The following FRMD6 variants were observed in gnomAD, a reference collection of about 807,000 sequenced individuals.
The protein encoded by FRMD6 is FERM domain containing 6.
FRMD6 carries 37 observed loss-of-function variants against 73.2 expected under a neutral mutation model. The ratio of observed to expected loss-of-function variants is 0.51; its 90% CI spans 0.39 to 0.66. The LOEUF is 0.66. FRMD6 is among the 30% of genes least tolerant of loss of function. FRMD6 has a pLI of 0.00. For synonymous variants in FRMD6, 273 were observed against 282.2 expected, an observed-to-expected ratio of 0.97 and a Z score of 0.33; for missense variants, 714 against 780.5, an observed-to-expected ratio of 0.91 and a Z score of 1.02.
chr14:51,644,494 G>A (rs1891974922), intron 2 of FRMD6, among the ~76,000 whole-genome samples: 1 of 152,112 alleles, frequency 6.6e-6, no homozygotes, highest in Non-Finnish European at 1.5e-5. Flanking sequence ...GATGAATGGG[G>A]CCATAGCAGT....
chr14:51,465,010 A>G, the FRMD6 span, among the ~76,000 whole-genome samples: 2 of 152,210 alleles, frequency 1.3e-5, no homozygotes, highest in Admixed American at 1.3e-4. Context: ...CCACATATAC[A>G]GGCTTCCAAT....
chr14:51,431,019 T>C, the FRMD6 span, among the ~76,000 whole-genome samples: 1 of 152,236 alleles, frequency 6.6e-6, no homozygotes, highest in African/African-American at 2.4e-5. Context: ...TGTGTGTTTA[T>C]GAGGATATGT....
intron 2 of FRMD6, among the ~76,000 whole-genome samples, chr14:51,626,535 G>A (rs1426738568): frequency 6.6e-6 from 1 of 152,104 alleles, no homozygotes; most frequent in Non-Finnish European, 1.5e-5. Context: ...CACGTTATCA[G>A]GGTTAAAAAT....
chr14:51,726,334 A>G (rs944671990), intron 13 of FRMD6, among the ~76,000 whole-genome samples: 3 of 152,228 alleles, frequency 2.0e-5, no homozygotes, highest in Non-Finnish European at 2.9e-5. Flanking sequence ...ATGTCCAGCA[A>G]TATAGATAAA....
intron 2 of FRMD6, among the ~76,000 whole-genome samples, chr14:51,612,461 C>A (rs1890549543): frequency 6.6e-6 from 1 of 152,164 alleles, no homozygotes; most frequent in South Asian, 2.1e-4. Flanking sequence ...TATAAGAAGA[C>A]CTGAATTCTA....
chr14:51,670,878 C>T (rs1290973666), intron 1 of FRMD6, among the ~76,000 whole-genome samples: 1 of 152,192 alleles, frequency 6.6e-6, no homozygotes, highest in Non-Finnish European at 1.5e-5. Flanking sequence ...AATTCCTGAC[C>T]TCAGGTGATC....
intron 12 of FRMD6, 83 bp from the exon 13 acceptor site, chr14:51,725,696 T>G (rs1298685806): frequency 9.5e-7 from 1 of 1,056,120 alleles, no homozygotes; most frequent in East Asian, 2.4e-5. Flanking sequence ...TTTTCATTCC[T>G]GATAGCAATA....
intron 1 of FRMD6, among the ~76,000 whole-genome samples, chr14:51,492,215 TCTC>T (rs776223571): frequency 4.6e-5 from 7 of 152,196 alleles, no homozygotes; most frequent in Non-Finnish European, 7.3e-5. Context: ...AACCAAGAGT[TCTC>T]CTCTTGGGAT....
chr14:51,547,164 A>G (rs1886519208), intron 1 of FRMD6, among the ~76,000 whole-genome samples: 3 of 152,152 alleles, frequency 2.0e-5, no homozygotes, highest in Non-Finnish European at 4.4e-5. Context: ...TTGTTTTAGA[A>G]TTTCATTTCA....
At chr14:51,655,556 C>T (rs1233553109) in intron 1 of FRMD6, among the ~76,000 whole-genome samples, 1 of 151,050 alleles carries the variant, frequency 6.6e-6, no homozygotes, top group Non-Finnish European at 1.5e-5. Flanking sequence ...GCTTTGGGGG[C>T]CTTTAAAAGT....
chr14:51,716,207 T>C (rs1247611274), intron 10 of FRMD6, among the ~76,000 whole-genome samples: 2 of 152,136 alleles, frequency 1.3e-5, no homozygotes, highest in African/African-American at 4.8e-5. Context: ...CTGATAGCCC[T>C]TTATCTTGAG....
intron 1 of FRMD6, among the ~76,000 whole-genome samples, chr14:51,532,337 A>G (rs965192022): frequency 6.7e-6 from 1 of 149,518 alleles, no homozygotes; most frequent in Non-Finnish European, 1.5e-5. Flanking sequence ...CCACTGCACT[A>G]TAGCCTGGGT....
At chr14:51,403,640 A>T in the FRMD6 span, among the ~76,000 whole-genome samples, 1 of 152,020 alleles carries the variant, frequency 6.6e-6, no homozygotes, top group East Asian at 1.9e-4. Context: ...GGGCTCATGC[A>T]GTCTGCTCAT....
At chr14:51,513,747 C>T (rs1884457519) in intron 1 of FRMD6, among the ~76,000 whole-genome samples, 1 of 91,322 alleles carries the variant, frequency 1.1e-5, no homozygotes, top group Non-Finnish European at 2.0e-5. Flanking sequence ...TGAAGCCTCT[C>T]TGAAATTCCA....
At chr14:51,611,787 T>G (rs1890516860) in intron 2 of FRMD6, among the ~76,000 whole-genome samples, 1 of 152,220 alleles carries the variant, frequency 6.6e-6, no homozygotes, top group Non-Finnish European at 1.5e-5. Context: ...ATTTCATGCC[T>G]TTATATGTCA....
intron 10 of FRMD6, among the ~76,000 whole-genome samples, chr14:51,715,996 C>T (rs551848196): frequency 6.6e-6 from 1 of 152,222 alleles, no homozygotes; most frequent in Non-Finnish European, 1.5e-5. Context: ...GCTGGGAGGC[C>T]CCCAAGTCTG....
intron 1 of FRMD6, among the ~76,000 whole-genome samples, chr14:51,675,117 T>G (rs1894294898): frequency 6.6e-6 from 1 of 152,104 alleles, no homozygotes; most frequent in Admixed American, 6.6e-5. Context: ...GATTCCACAC[T>G]TGGTGTAACT....
At chr14:51,469,339 C>T in the FRMD6 span, among the ~76,000 whole-genome samples, 10 of 150,374 alleles carry the variant, frequency 6.7e-5, no homozygotes, top group Non-Finnish European at 1.5e-4. Context: ...CATGGCTGGG[C>T]CCTATGGCTC....
At chr14:51,428,954 G>GGGGGAGAGAGACGGTGAGAGACAGA in the FRMD6 span, among the ~76,000 whole-genome samples, 1 of 55,902 alleles carries the variant, frequency 1.8e-5, no homozygotes. Flanking sequence ...GAGAGACAGA[G>GGGGGAGAGAGACGGTGAGAGACAGA]GGGGAGAGAG....
Sources: allele counts gnomAD v4.1 joint callset (sites outside exome capture counted in the v4.1 genomes callset), GRCh38; gene constraint gnomAD v4.1.1; transcripts MANE v1.5; gene names NCBI Gene and HGNC (gene_info 2026-07-23, HGNC 2026-07-21).